Variants in CACNG5 observed in about 807,000 individuals in gnomAD.
CACNG5 encodes voltage-dependent calcium channel gamma-5 subunit.
CACNG5 carries 18 observed loss-of-function variants against 24.8 expected under a neutral mutation model. The observed-to-expected ratio is 0.73, with a 90% CI of 0.50 to 1.08. CACNG5 has a LOEUF of 1.08. Ranked by LOEUF, CACNG5 falls within the 50% of genes least tolerant of loss-of-function variation. The pLI is 0.00. For missense variants in CACNG5, 349 were observed against 367.9 expected (o/e 0.95, Z 0.42); for synonymous variants, 157 against 149.1 (o/e 1.05, Z -0.39).
At chr17:66,847,762 G>A (rs1055051552) in intron 1 of CACNG5, among the ~76,000 whole-genome samples, 3 of 152,124 alleles carry the variant, frequency 2.0e-5, no homozygotes, top group African/African-American at 7.2e-5. Flanking sequence ...TCTCAAAATA[G>A]GTATCTCTTC....
chr17:66,844,321 G>C (rs1392917129), intron 1 of CACNG5, among the ~76,000 whole-genome samples: 1 of 152,154 alleles, frequency 6.6e-6, no homozygotes, highest in African/African-American at 2.4e-5. Flanking sequence ...CTGTGCAGTG[G>C]ACAAAGGGAA....
At chr17:66,861,552 G>A (rs1976859228) in intron 1 of CACNG5, among the ~76,000 whole-genome samples, 1 of 152,186 alleles carries the variant, frequency 6.6e-6, no homozygotes, top group African/African-American at 2.4e-5. Context: ...GATATACATG[G>A]GTGAGGGAGG....
At chr17:66,881,907 T>C (rs1977163357) in intron 4 of CACNG5, among the ~76,000 whole-genome samples, 1 of 151,542 alleles carries the variant, frequency 6.6e-6, no homozygotes, top group Non-Finnish European at 1.5e-5. Context: ...CAAGGAAAAA[T>C]GTAGTGAGAA....
At chr17:66,863,322 T>C (rs1347991058) in intron 1 of CACNG5, among the ~76,000 whole-genome samples, 2 of 150,380 alleles carry the variant, frequency 1.3e-5, no homozygotes, top group East Asian at 1.9e-4. Context: ...TATTCCTTTT[T>C]TCCGTTTCAC....
chr17:66,856,910 C>T lies in CACNG5; in HGVS notation c.-103-20320C>T, dbSNP rs143152863. On this transcript the variant is annotated intron_variant, in intron 1 of 5. Coordinates refer to ENST00000533854, the MANE Select transcript of CACNG5 (RefSeq NM_145811.3). Reference sequence around the variant, plus strand: ...CCCTCTCTGTCCCTGACCCTAACAACCACTAATCTGTTCTCCATTTCTTTA... The same window carrying T: ...CCCTCTCTGTCCCTGACCCTAACAATCACTAATCTGTTCTCCATTTCTTTA... Among the ~76,000 whole-genome samples the T allele has an allele frequency of 3.8e-3, 585 of 152,048 alleles. 3 individuals are homozygous for T. The highest frequency in any genetic ancestry group is 6.3e-3 in the Non-Finnish European group (425 of 67,988).
chr17:66,846,514 A>AAG (rs1976639474), intron 1 of CACNG5, among the ~76,000 whole-genome samples: 3 of 152,098 alleles, frequency 2.0e-5, no homozygotes, highest in African/African-American at 7.2e-5. Context: ...GGCTTCTTTC[A>AAG]CTTCACATAA....
intron 1 of CACNG5, among the ~76,000 whole-genome samples, chr17:66,844,107 T>A (rs1451540326): frequency 6.6e-6 from 1 of 152,138 alleles, no homozygotes; most frequent in Admixed American, 6.5e-5. Flanking sequence ...GGTAGCAGGA[T>A]GATAGAGTAA....
At chr17:66,835,489 A>T (rs569824057) in intron 1 of CACNG5, among the ~76,000 whole-genome samples, 1 of 152,228 alleles carries the variant, frequency 6.6e-6, no homozygotes, top group Non-Finnish European at 1.5e-5. Context: ...TGTCCCAAGG[A>T]TGTATCGGGG....
chr17:66,858,353 C>T (rs1976808626), intron 1 of CACNG5, among the ~76,000 whole-genome samples: 1 of 152,190 alleles, frequency 6.6e-6, no homozygotes, highest in Non-Finnish European at 1.5e-5. Context: ...CCAGGGCCTA[C>T]ATCCTTATAG....
chr17:66,846,660 T>C (rs1336728807), intron 1 of CACNG5, among the ~76,000 whole-genome samples: 1 of 152,252 alleles, frequency 6.6e-6, no homozygotes, highest in African/African-American at 2.4e-5. Context: ...ATAAAATGCA[T>C]GCTACCACAC....
chr17:66,859,830 C>G (rs979677993), intron 1 of CACNG5, among the ~76,000 whole-genome samples: 34 of 152,198 alleles, frequency 2.2e-4, no homozygotes, highest in African/African-American at 7.9e-4. Context: ...CTCCCTCCTC[C>G]TTCTCCTCCC....
chr17:66,857,572 C>T (rs1002691141), intron 1 of CACNG5, among the ~76,000 whole-genome samples: 1 of 152,164 alleles, frequency 6.6e-6, no homozygotes, highest in African/African-American at 2.4e-5. Flanking sequence ...TTTATTCATA[C>T]TACATCTTAG....
chr17:66,838,585 G>A (rs766200032), intron 1 of CACNG5, among the ~76,000 whole-genome samples: 7 of 151,856 alleles, frequency 4.6e-5, no homozygotes, highest in Non-Finnish European at 1.0e-4. Flanking sequence ...TTTTCTGGAT[G>A]CTCCAGGGGG....
chr17:66,840,094 G>A (rs1423013125), intron 1 of CACNG5, among the ~76,000 whole-genome samples: 3 of 152,222 alleles, frequency 2.0e-5, no homozygotes, highest in East Asian at 3.9e-4. Flanking sequence ...TTTCTCTGGC[G>A]ACCGGTGATC....
rs1015204671 is a variant in CACNG5, at chr17:66,835,268, C to G, written c.-104+18C>G. The G allele has an allele frequency of 1.3e-5, 2 of 152,270 alleles. No individual in the cohort carries two copies. Among genetic ancestry groups the G allele is most frequent in the African/African-American group, 4.8e-5 (2 of 41,458 alleles). 9.4% of individuals were successfully genotyped at this position (152,270 alleles called of 1,614,324 possible). On this transcript the variant is annotated intron_variant, in intron 1 of 5. Coordinates refer to ENST00000533854, the MANE Select transcript of CACNG5 (RefSeq NM_145811.3). The stretch of plus-strand genomic sequence containing the variant: ...CCAGCGAGGTAAGAGCCGGGAAGAC[C>G]GGGAGAGACCACCTCTTCCATCCTG...
intron 1 of CACNG5, among the ~76,000 whole-genome samples, chr17:66,839,871 C>T (rs1976541993): frequency 6.6e-6 from 1 of 152,188 alleles, no homozygotes; most frequent in African/African-American, 2.4e-5. Context: ...AGTGTTATTC[C>T]TTTTCTTGAT....
At chr17:66,863,228 C>T (rs565561028) in intron 1 of CACNG5, among the ~76,000 whole-genome samples, 15 of 152,050 alleles carry the variant, frequency 9.9e-5, no homozygotes, top group Middle Eastern at 3.2e-3. Flanking sequence ...ACAAAGAGAA[C>T]ATCTTAAATT....
chr17:66,856,876 T>A (rs1035436049), intron 1 of CACNG5, among the ~76,000 whole-genome samples: 1 of 151,906 alleles, frequency 6.6e-6, no homozygotes, highest in African/African-American at 2.4e-5. Flanking sequence ...ACTGGCCTCT[T>A]CCTCTCTCCC....
chr17:66,846,525 T>G (rs1014407440), intron 1 of CACNG5, among the ~76,000 whole-genome samples: 1 of 152,214 alleles, frequency 6.6e-6, no homozygotes, highest in African/African-American at 2.4e-5. Flanking sequence ...CTTCACATAA[T>G]GTTTTCAAGG....
Sources: gnomAD v4.1 joint callset for allele counts (sites outside exome capture counted in the v4.1 genomes callset) on GRCh38, gnomAD v4.1.1 for gene constraint, MANE v1.5 for transcripts, NCBI Gene and HGNC (gene_info 2026-07-23, HGNC 2026-07-21) for gene names.